PLCE1: variants seen among roughly 807,000 people sequenced by gnomAD.
PLCE1 encodes the protein phospholipase C epsilon 1, also known as 1-phosphatidylinositol 4,5-bisphosphate phosphodiesterase epsilon-1.
Under a neutral mutation model 242.8 loss-of-function variants are expected in PLCE1, and 119 were observed. That is an observed-to-expected ratio of 0.49 (90% confidence interval 0.42 to 0.57). PLCE1 has a LOEUF of 0.57. Ranked by LOEUF, PLCE1 falls within the 20% of genes least tolerant of loss-of-function variation. The pLI is 0.00. For missense variants in PLCE1, 2,441 were observed against 2,788.8 expected, an observed-to-expected ratio of 0.88 and a Z score of 2.81; for synonymous variants, 945 against 1,017.4, an observed-to-expected ratio of 0.93 and a Z score of 1.35.
At chr10:94,027,344 C>T (rs894887160) in intron 1 of PLCE1, among the ~76,000 whole-genome samples, 1 of 152,172 alleles carries the variant, frequency 6.6e-6, no homozygotes, top group Non-Finnish European at 1.5e-5. Flanking sequence ...TAATTGTGTA[C>T]TCAACAAATA....
intron 2 of PLCE1, among the ~76,000 whole-genome samples, chr10:94,047,055 A>G (rs1444225448): frequency 6.6e-6 from 1 of 152,342 alleles, no homozygotes; most frequent in African/African-American, 2.4e-5. Flanking sequence ...CAAATTTAGC[A>G]GTGGGTTTTG....
chr10:94,106,912 T>TTCTCTCCCTC (rs2045757667), intron 2 of PLCE1, among the ~76,000 whole-genome samples: 1 of 38,734 alleles, frequency 2.6e-5, no homozygotes, highest in Admixed American at 5.0e-4. Flanking sequence ...TGTCTCTTGT[T>TTCTCTCCCTC]TCTCTCTCTC....
At chr10:94,258,766 C>T (rs1378511879) in intron 11 of PLCE1, 34 bp from the exon 12 acceptor site, 3 of 1,613,854 alleles carry the variant, frequency 1.9e-6, no homozygotes, top group African/African-American at 1.3e-5. Context: ...AGTGGCCTGC[C>T]CTTGTGCCCA....
At chr10:94,327,545 A>T (rs1351482430) in intron 32 of PLCE1, among the ~76,000 whole-genome samples, 2 of 152,198 alleles carry the variant, frequency 1.3e-5, no homozygotes, top group Admixed American at 1.3e-4. Context: ...GAGCAAAAAG[A>T]AAGTTAGTTT....
intron 2 of PLCE1, among the ~76,000 whole-genome samples, chr10:94,101,067 C>G (rs1360168449): frequency 1.3e-5 from 2 of 152,178 alleles, no homozygotes; most frequent in East Asian, 3.9e-4. Flanking sequence ...CCACAGGCCC[C>G]TCAGAGCTCT....
At chr10:94,117,379 C>T (rs1341776957) in intron 2 of PLCE1, among the ~76,000 whole-genome samples, 1 of 152,226 alleles carries the variant, frequency 6.6e-6, no homozygotes, top group Non-Finnish European at 1.5e-5. Flanking sequence ...CTCAGCATCA[C>T]ATTGACTGTC....
chr10:94,094,688 C>T (rs1235115441), intron 2 of PLCE1: 1 of 152,156 alleles, frequency 6.6e-6, no homozygotes, highest in Non-Finnish European at 1.5e-5. Flanking sequence ...GGTGGACGCT[C>T]CTTTTGGTGC....
intron 22 of PLCE1, chr10:94,286,774 A>G (rs924789535): frequency 1.3e-5 from 2 of 152,184 alleles, no homozygotes; most frequent in Non-Finnish European, 2.9e-5. Context: ...CTCATGGCAT[A>G]TAAGTACAAT....
intron 2 of PLCE1, among the ~76,000 whole-genome samples, chr10:94,046,947 T>C (rs1589912532): frequency 6.6e-6 from 1 of 152,240 alleles, no homozygotes; most frequent in South Asian, 2.1e-4. Context: ...GCTGGCACTA[T>C]GTAGCTGTTG....
chr10:94,256,888 A>G (rs1490420176), intron 11 of PLCE1, among the ~76,000 whole-genome samples: 2 of 152,236 alleles, frequency 1.3e-5, no homozygotes, highest in Non-Finnish European at 2.9e-5. Flanking sequence ...TAAGTCTGAT[A>G]GTGGGAAGAG....
At position 94,179,512 on chromosome 10, in the gene PLCE1, G is replaced by GTTTTTTTTT. The variant is rs1554877545; in HGVS notation, c.1809+8026_1809+8034dup. Among the ~76,000 whole-genome samples the GTTTTTTTTT allele has an allele frequency of 1.1e-3, 21 of 19,396 alleles. 3 individuals are homozygous for GTTTTTTTTT. The highest frequency in any genetic ancestry group is 3.5e-3 in the Admixed American group (4 of 1,134). 12.7% of individuals were successfully genotyped at this position (19,396 alleles called of 152,430 possible). Reference sequence around the variant, plus strand: ...TTTATCTTATTTTTATTTTAGTTTAGTTTTTTTTTTTTTTTTTTGACAGGG... The same window carrying GTTTTTTTTT: ...TTTATCTTATTTTTATTTTAGTTTAGTTTTTTTTTTTTTTTTTTTTTTTTTTTGACAGGG... On this transcript the variant is annotated intron_variant, in intron 4 of 32. Transcript: ENST00000371380.
intron 4 of PLCE1, among the ~76,000 whole-genome samples, chr10:94,183,964 ACATTGGGG>A (rs2136484852): frequency 6.6e-6 from 1 of 152,336 alleles, no homozygotes; most frequent in East Asian, 1.9e-4. Flanking sequence ...CGAGGCCCCA[ACATTGGGG>A]ATCACATTTC....
At chr10:94,299,260 C>T (rs945438078) in intron 24 of PLCE1, among the ~76,000 whole-genome samples, 2 of 152,130 alleles carry the variant, frequency 1.3e-5, no homozygotes, top group Non-Finnish European at 2.9e-5. Context: ...TAGAAGCTGC[C>T]GTTTATTGCA....
chr10:94,146,114 A>G (rs899904914), intron 3 of PLCE1, among the ~76,000 whole-genome samples: 1 of 152,180 alleles, frequency 6.6e-6, no homozygotes, highest in Admixed American at 6.5e-5. Context: ...AGCAGGTTGA[A>G]TTTTGAATAG....
At chr10:94,218,887 AT>A (rs1355124899) in intron 4 of PLCE1, among the ~76,000 whole-genome samples, 1 of 97,780 alleles carries the variant, frequency 1.0e-5, no homozygotes, top group Non-Finnish European at 2.0e-5. Flanking sequence ...TAAAATAATA[AT>A]TTTATATATA....
chr10:94,198,086 G>C (rs1845989939), intron 4 of PLCE1, among the ~76,000 whole-genome samples: 1 of 138,660 alleles, frequency 7.2e-6, no homozygotes, highest in Non-Finnish European at 1.5e-5. Context: ...AAAAAAAAAA[G>C]ATATAATCTC....
chr10:94,031,800 C>T lies in PLCE1; in HGVS notation c.754C>T (p.Gln252Ter). ...KNCDNKNEQL[Q>*]CDHCDTLNDK... is the part of the protein sequence containing the mutation. Reference sequence around the variant, plus strand: ...TTGTGATAATAAGAATGAGCAGCTGCAGTGTGATCATTGTGACACCTTGAA... The same window carrying T: ...TTGTGATAATAAGAATGAGCAGCTGTAGTGTGATCATTGTGACACCTTGAA... The change falls in exon 2 of 33, where the codon CAG (glutamine) becomes TAG (stop). Residue 252 changes from glutamine to a stop codon, truncating the protein, a stop_gained. Transcript: ENST00000371380. LOFTEE classifies it high-confidence loss of function. The T allele has an allele frequency of 6.2e-7, 1 of 1,613,686 alleles. No individual in the cohort carries two copies. Among genetic ancestry groups the T allele is most frequent in the Non-Finnish European group, 8.5e-7 (1 of 1,179,812 alleles).
At chr10:94,037,463 C>T (rs2061686240) in intron 2 of PLCE1, among the ~76,000 whole-genome samples, 1 of 152,312 alleles carries the variant, frequency 6.6e-6, no homozygotes, top group Admixed American at 6.5e-5. Context: ...AGCTAGGGTA[C>T]AGTTTGGACC....
chr10:94,298,478 A>G lies in PLCE1; in HGVS notation c.5267A>G (p.His1756Arg), dbSNP rs371506038. ...ATCATTAGAACTCCCAAATGTTATC[A>G]TATCTCGTCGCTGAATGAAAATGCC... ...SAIIRTPKCY[H>R]ISSLNENAAK... Residue 1756 changes from histidine (H) to arginine (R), a missense_variant, in exon 24 of 33, where the codon CAT becomes CGT. By Grantham distance (29) the His-to-Arg change is conservative. Around this residue, in one of 5 missense-constraint regions of PLCE1, gnomAD observed 1,004 missense variants for 1,322.7 expected, o/e 0.76. Coordinates refer to ENST00000371380, the MANE Select transcript of PLCE1 (RefSeq NM_016341.4). The surrounding 1 kb of genome is among the most constrained non-coding windows in gnomAD (Gnocchi z 5.2). The G allele has an allele frequency of 3.7e-6, 6 of 1,613,966 alleles. No homozygotes were observed. The highest frequency in any genetic ancestry group is 5.1e-6 in the Non-Finnish European group (6 of 1,180,000).
Sources: gnomAD v4.1 joint callset for allele counts (sites outside exome capture counted in the v4.1 genomes callset) on GRCh38, gnomAD v4.1.1 for gene constraint, gnomAD v4.1.1 regional missense constraint, Gnocchi (gnomAD v3.1) non-coding constraint, MANE v1.5 for transcripts, NCBI Gene and HGNC (gene_info 2026-07-23, HGNC 2026-07-21) for gene names.